SLC20A2: variants seen among roughly 807,000 people sequenced by gnomAD.
The protein encoded by SLC20A2 is sodium-dependent phosphate transporter 2.
SLC20A2 carries 30 observed loss-of-function variants against 61.0 expected under a neutral mutation model. The observed-to-expected ratio is 0.49, with a 90% CI of 0.37 to 0.67. The LOEUF (loss-of-function observed/expected upper bound fraction) is 0.67, where lower values mean the gene tolerates loss of function less well. Ranked by LOEUF, SLC20A2 falls within the 30% of genes least tolerant of loss-of-function variation. SLC20A2 has a pLI of 0.00. For missense variants in SLC20A2, 626 were observed against 866.4 expected, an observed-to-expected ratio of 0.72 and a Z score of 3.48; for synonymous variants, 351 against 353.3, an observed-to-expected ratio of 0.99 and a Z score of 0.07.
chr8:42,509,150 AAC>A (rs1810891148), intron 1 of SLC20A2, among the ~76,000 whole-genome samples: 1 of 152,256 alleles, frequency 6.6e-6, no homozygotes, highest in African/African-American at 2.4e-5. Context: ...ATACACAGCA[AAC>A]AGTTATATAG....
chr8:42,422,914 A>T (rs1261405703), intron 10 of SLC20A2, among the ~76,000 whole-genome samples: 1 of 152,088 alleles, frequency 6.6e-6, no homozygotes, highest in African/African-American at 2.4e-5. Flanking sequence ...TTTTGTTAGT[A>T]GCCACTTTCC....
rs1808585597 is a variant in SLC20A2 at position 42,481,959 on chromosome 8, T to C, written c.-264-9305A>G. ...AAGCTTCTGTGATATTTAGATGTTT[T>C]CCACACAGCCTCTTACTCTCTGGGA... On this transcript the variant is annotated intron_variant, in intron 1 of 10. Transcript: ENST00000520262. Among the ~76,000 whole-genome samples, 4 of 152,284 alleles carry C rather than the reference T, an allele frequency of 2.6e-5. No individual in the cohort carries two copies. In the South Asian group the frequency reaches 8.3e-4, roughly 32 times the overall value.
At chr8:42,426,211 G>A (rs1041893787) in intron 10 of SLC20A2, among the ~76,000 whole-genome samples, 19 of 152,086 alleles carry the variant, frequency 1.2e-4, no homozygotes, top group Non-Finnish European at 4.4e-5. Context: ...TCAAGAGTTT[G>A]GCTTTTTAAA....
chr8:42,469,488 G>A (rs1346869591), intron 2 of SLC20A2, among the ~76,000 whole-genome samples: 2 of 152,160 alleles, frequency 1.3e-5, no homozygotes, highest in Admixed American at 1.3e-4. Flanking sequence ...AAATGATCCC[G>A]TCTGCAGAAA....
In SLC20A2 at chr8:42,437,701, C is replaced by CTTCG. The variant is rs1264867232; in HGVS notation, c.935-128_935-125dup. 1.1e-5 allele frequency: 8 copies of CTTCG among 749,434 alleles called. No individual in the cohort carries two copies. The highest frequency in any genetic ancestry group is 4.0e-6 in the Non-Finnish European group (2 of 496,458). 46.4% of individuals were successfully genotyped at this position (749,434 alleles called of 1,614,324 possible). A position where few individuals can be genotyped will look rare whatever the true frequency, so the allele number is the denominator to read the frequency against. ...TGGCGCAATCTCGGCTCACTGCAAC[C>CTTCG]TTCGCCTCCCGGGTTCAAGCGATTC... On this transcript the variant is annotated intron_variant, in intron 7 of 10. Coordinates refer to ENST00000520262, the MANE Select transcript of SLC20A2 (RefSeq NM_001257180.2). This position sits in a 1 kb window ranked among gnomAD's most constrained non-coding sequence, Gnocchi z 6.4.
intron 1 of SLC20A2, among the ~76,000 whole-genome samples, chr8:42,490,047 T>C (rs1368317205): frequency 6.6e-6 from 1 of 152,240 alleles, no homozygotes; most frequent in Non-Finnish European, 1.5e-5. Flanking sequence ...TATATCTGTA[T>C]TGGTCTTACA....
chr8:42,512,197 CTTT>C (rs780809604), intron 1 of SLC20A2, among the ~76,000 whole-genome samples: 3 of 152,108 alleles, frequency 2.0e-5, no homozygotes, highest in Non-Finnish European at 4.4e-5. Flanking sequence ...TTTCCCACTT[CTTT>C]GACTCAGATC....
rs536926654 is a variant in SLC20A2 at position 42,449,453 on chromosome 8, T to C, written c.614-4691A>G. On this transcript the variant is annotated intron_variant, in intron 5 of 10. Coordinates refer to ENST00000520262, the MANE Select transcript of SLC20A2 (RefSeq NM_001257180.2). The stretch of plus-strand genomic sequence containing the variant: ...TTCAAGCCATTTAGGGAGAAATACA[T>C]AGAACTTTTTATACGAGCTCAGTCT... Among the ~76,000 whole-genome samples, 12 of 152,306 alleles carry C rather than the reference T, an allele frequency of 7.9e-5. No individual in the cohort carries two copies. The East Asian group carries it at 1.5e-3, about 20-fold the overall frequency.
intron 1 of SLC20A2, among the ~76,000 whole-genome samples, chr8:42,518,294 G>A (rs1329282052): frequency 6.6e-6 from 1 of 152,134 alleles, no homozygotes; most frequent in Non-Finnish European, 1.5e-5. Context: ...TCCATTCACA[G>A]GGAAATGGTT....
chr8:42,526,303 G>A (rs980419054), intron 1 of SLC20A2, among the ~76,000 whole-genome samples: 1 of 151,790 alleles, frequency 6.6e-6, no homozygotes, highest in South Asian at 2.1e-4. Context: ...TCTCAACTGA[G>A]CAACATTCTA....
intron 1 of SLC20A2, among the ~76,000 whole-genome samples, chr8:42,511,106 G>A (rs935944083): frequency 6.6e-6 from 1 of 151,962 alleles, no homozygotes; most frequent in Non-Finnish European, 1.5e-5. Context: ...AGAGCCGCCA[G>A]CTTCACTGTG....
At chr8:42,484,721 G>T in intron 1 of SLC20A2, 1 of 373,894 alleles carries the variant, frequency 2.7e-6, no homozygotes, top group South Asian at 2.4e-5. Context: ...GTCTATGGCT[G>T]GCAGCCACCA....
intron 1 of SLC20A2, among the ~76,000 whole-genome samples, chr8:42,529,700 G>A (rs2131429325): frequency 6.6e-6 from 1 of 152,264 alleles, no homozygotes; most frequent in South Asian, 2.1e-4. Context: ...ACATGCTCTT[G>A]TTCACATGCC....
rs142667625 is a variant in SLC20A2, at chr8:42,478,235, G to A, written c.-264-5581C>T. ...TTCTTTTTTTTTTTTTTTTTGAGAT[G>A]TAGTCTCACTCTGTTGCCCAGGCTG... On this transcript the variant is annotated intron_variant, in intron 1 of 10. Transcript: ENST00000520262. Among the ~76,000 whole-genome samples the A allele has an allele frequency of 9.5e-3, 1,120 of 118,124 alleles. 16 individuals are homozygous for A. The highest frequency in any genetic ancestry group is 0.032 in the African/African-American group (1,033 of 32,158). 77.5% of individuals were successfully genotyped at this position (118,124 alleles called of 152,430 possible).
intron 6 of SLC20A2, 96 bp from the exon 7 acceptor site, chr8:42,439,749 C>G: frequency 1.0e-6 from 1 of 967,818 alleles, no homozygotes. Flanking sequence ...TATGCTTTAG[C>G]ACTGATTTTG....
In SLC20A2 at chr8:42,520,167, T is replaced by C. The variant is rs922169138; in HGVS notation, c.-265+21654A>G. The stretch of plus-strand genomic sequence containing the variant: ...CAGCTGGGATTACAGGCACCCACCA[T>C]CACACCTAGTTAATTTTTGTATTTT... On this transcript the variant is annotated intron_variant, in intron 1 of 10. Transcript: ENST00000342228. Among the ~76,000 whole-genome samples, 4 of 151,002 alleles carry C rather than the reference T, an allele frequency of 2.6e-5. No homozygotes were observed. In the South Asian group the frequency reaches 6.3e-4, roughly 24 times the overall value.
At chr8:42,439,689 G>T (rs755839772) in intron 6 of SLC20A2, 36 bp from the exon 7 acceptor site, 3 of 1,412,424 alleles carry the variant, frequency 2.1e-6, no homozygotes, top group Non-Finnish European at 3.0e-6. Flanking sequence ...CATTCTGGAA[G>T]AGAGTTCTTA....
At position 42,417,650 on chromosome 8, in the gene SLC20A2, G is replaced by C. The variant is rs1802753049; in HGVS notation, c.*153C>G. On this transcript the variant is annotated 3_prime_UTR_variant, in exon 11 of 11. Coordinates refer to ENST00000520262, the MANE Select transcript of SLC20A2 (RefSeq NM_001257180.2). ...TGAGTCTCCGCAGCCTGGGTGAACA[G>C]TGTGGGATGGAGCCTCCTGGAAGGG... The C allele has an allele frequency of 1.4e-6, 1 of 724,202 alleles. No homozygotes were observed. Among genetic ancestry groups the C allele is most frequent in the African/African-American group, 1.8e-5 (1 of 56,856 alleles). 44.9% of individuals were successfully genotyped at this position (724,202 alleles called of 1,614,324 possible).
intron 8 of SLC20A2, 149 bp from the exon 9 acceptor site, chr8:42,430,398 T>C (rs1433851635): frequency 4.2e-6 from 3 of 720,164 alleles, no homozygotes; most frequent in Non-Finnish European, 4.3e-6. Context: ...AGTCTTGCTC[T>C]GTTGCCCAGG....
Sources: gnomAD v4.1 joint callset for allele counts (sites outside exome capture counted in the v4.1 genomes callset) on GRCh38, gnomAD v4.1.1 for gene constraint, Gnocchi (gnomAD v3.1) non-coding constraint, MANE v1.5 for transcripts, NCBI Gene and HGNC (gene_info 2026-07-23, HGNC 2026-07-21) for gene names.